Variants in SAMTOR observed in about 807,000 individuals in gnomAD.
SAMTOR encodes UPF0532 protein C7orf60.
chr7:112,882,866 A>C, the SAMTOR span, among the ~76,000 whole-genome samples: 1 of 152,168 alleles, frequency 6.6e-6, no homozygotes, highest in East Asian at 1.9e-4. Flanking sequence ...AAAAAGTCCA[A>C]GAAAATAAAA....
At chr7:112,825,319 A>C in the SAMTOR span, among the ~76,000 whole-genome samples, 6 of 151,936 alleles carry the variant, frequency 3.9e-5, no homozygotes, top group African/African-American at 1.5e-4. Context: ...GAGCCACTGC[A>C]CCCACCTTAG....
At chr7:112,919,342 A>G in the SAMTOR span, among the ~76,000 whole-genome samples, 2,867 of 152,326 alleles carry the variant, frequency 0.019, 30 homozygotes, top group Non-Finnish European at 0.025. Context: ...CTGCTCCTGA[A>G]TGACTACTGG....
the SAMTOR span, among the ~76,000 whole-genome samples, chr7:112,916,035 A>T: frequency 1.3e-5 from 2 of 152,222 alleles, no homozygotes; most frequent in African/African-American, 4.8e-5. Context: ...ACACACTTGG[A>T]CTTGCTCTAG....
At chr7:112,936,829 A>G in the SAMTOR span, among the ~76,000 whole-genome samples, 1 of 152,136 alleles carries the variant, frequency 6.6e-6, no homozygotes, top group African/African-American at 2.4e-5. Flanking sequence ...TATCCTATGG[A>G]TCATCCATTC....
chr7:112,821,288 A>C, the SAMTOR span: 1 of 152,666 alleles, frequency 6.6e-6, no homozygotes, highest in Non-Finnish European at 1.5e-5. Context: ...AAAAAGAAAA[A>C]GATAAGTGCA....
chr7:112,890,016 G>C, the SAMTOR span, among the ~76,000 whole-genome samples: 1 of 152,156 alleles, frequency 6.6e-6, no homozygotes, highest in Non-Finnish European at 1.5e-5. Context: ...GTTGTGGTTG[G>C]GTTGAGCTGC....
the SAMTOR span, among the ~76,000 whole-genome samples, chr7:112,860,543 A>C: frequency 6.6e-6 from 1 of 152,186 alleles, no homozygotes; most frequent in Non-Finnish European, 1.5e-5. Context: ...ACTAAGTCTC[A>C]CAAAGGAGTA....
chr7:112,915,724 T>A, the SAMTOR span, among the ~76,000 whole-genome samples: 1 of 152,354 alleles, frequency 6.6e-6, no homozygotes, highest in South Asian at 2.1e-4. Context: ...ATAACAGATT[T>A]GTGAAGCTGG....
At chr7:112,820,541 C>A in the SAMTOR span, 1 of 152,224 alleles carries the variant, frequency 6.6e-6, no homozygotes, top group East Asian at 1.9e-4. Context: ...GCTGACAAGA[C>A]AATGTGGACT....
the SAMTOR span, among the ~76,000 whole-genome samples, chr7:112,913,684 T>C: frequency 6.6e-6 from 1 of 152,096 alleles, no homozygotes; most frequent in African/African-American, 2.4e-5. Flanking sequence ...ATTTTCTACC[T>C]CTCTCCCTCT....
chr7:112,825,756 G>C, the SAMTOR span, among the ~76,000 whole-genome samples: 6,421 of 152,046 alleles, frequency 0.042, 359 homozygotes, highest in African/African-American at 0.12. Flanking sequence ...TCTTGTTTTT[G>C]TGAGAAAAGC....
chr7:112,845,233 T>C, the SAMTOR span, among the ~76,000 whole-genome samples: 1 of 152,024 alleles, frequency 6.6e-6, no homozygotes, highest in African/African-American at 2.4e-5. Context: ...AAGCAAAATT[T>C]GACAAATGGG....
the SAMTOR span, chr7:112,895,647 G>A: frequency 5.6e-6 from 9 of 1,597,682 alleles, no homozygotes; most frequent in African/African-American, 1.3e-5. Context: ...CATATTTAAG[G>A]CTGGAGTGGT....
At chr7:112,837,267 GA>G in the SAMTOR span, among the ~76,000 whole-genome samples, 1 of 151,926 alleles carries the variant, frequency 6.6e-6, no homozygotes, top group Non-Finnish European at 1.5e-5. Flanking sequence ...GAATGCTGCT[GA>G]TTTTTGTACA....
the SAMTOR span, among the ~76,000 whole-genome samples, chr7:112,853,357 T>A: frequency 1.3e-5 from 2 of 152,134 alleles, no homozygotes; most frequent in Non-Finnish European, 2.9e-5. Context: ...TCATATACAG[T>A]TTTTAACTCA....
chr7:112,829,141 T>C, the SAMTOR span, among the ~76,000 whole-genome samples: 1 of 152,170 alleles, frequency 6.6e-6, no homozygotes, highest in Non-Finnish European at 1.5e-5. Context: ...CTTAGATTTG[T>C]ATCACTGATG....
the SAMTOR span, among the ~76,000 whole-genome samples, chr7:112,844,081 C>T: frequency 4.6e-5 from 7 of 152,074 alleles, no homozygotes; most frequent in Admixed American, 1.3e-4. Context: ...TCCAACATCC[C>T]TTCATGTTAA....
the SAMTOR span, chr7:112,821,294 G>A: frequency 4.6e-5 from 7 of 152,698 alleles, no homozygotes; most frequent in Non-Finnish European, 1.0e-4. Flanking sequence ...AAAAAGATAA[G>A]TGCATCACAA....
chr7:112,864,912 C>A, the SAMTOR span, among the ~76,000 whole-genome samples: 1 of 152,110 alleles, frequency 6.6e-6, no homozygotes. Flanking sequence ...TAGCACCGTG[C>A]CCCACTAATT....
Sources: gnomAD v4.1 joint callset for allele counts (sites outside exome capture counted in the v4.1 genomes callset) on GRCh38, gnomAD v4.1.1 for gene constraint, MANE v1.5 for transcripts, NCBI Gene and HGNC (gene_info 2026-07-23, HGNC 2026-07-21) for gene names.